ZNF491: variants seen among roughly 807,000 people sequenced by gnomAD.
ZNF491 encodes zinc finger protein 491.
Under a neutral mutation model 34.7 loss-of-function variants are expected in ZNF491, and 22 were observed. The ratio of observed to expected loss-of-function variants is 0.63; its 90% CI spans 0.45 to 0.90. ZNF491 has a LOEUF of 0.90. Among genes scored for constraint, ZNF491 ranks in the 40% least tolerant of loss-of-function variants. ZNF491 has a pLI of 0.00. For synonymous variants in ZNF491, 148 were observed against 174.3 expected (o/e 0.85, Z 1.19); for missense variants, 559 against 531.7 (o/e 1.05, Z -0.51).
In ZNF491 at chr19:11,804,921, A is replaced by G. The variant is rs552432879; in HGVS notation, c.-8+254A>G. Among the ~76,000 whole-genome samples the G allele has an allele frequency of 3.9e-5, 6 of 152,370 alleles. No individual in the cohort carries two copies. The South Asian group carries it at 1.0e-3, about 26-fold the overall frequency. On this transcript the variant is annotated intron_variant, in intron 2 of 2. Coordinates refer to ENST00000323169, the MANE Select transcript of ZNF491 (RefSeq NM_152356.4). ...ACAAACATCCCAGGAGAAATCTAAGATAATTTACACTCACAAGACAAAGAA... is the reference window on the plus strand; with the variant it reads ...ACAAACATCCCAGGAGAAATCTAAGGTAATTTACACTCACAAGACAAAGAA...
Position 11,808,334 on chromosome 19 carries a change from A to G in ZNF491, c.*1067A>G, listed in dbSNP as rs1253317285. ...GAGGTGGAGGTTGCAGTGAGCCAAG[A>G]TCACGCCACTGTACTCCAGCCTGGA... On this transcript the variant is annotated 3_prime_UTR_variant, in exon 3 of 3. Transcript: ENST00000323169. 6.6e-6 allele frequency among the ~76,000 whole-genome samples: 1 copy of G among 151,580 alleles called. No individual in the cohort carries two copies. The highest frequency in any genetic ancestry group is 1.5e-5 in the Non-Finnish European group (1 of 67,960).
rs776498215 is a variant in ZNF491 at position 11,807,298 on chromosome 19, A to G, written c.*31A>G. ...ATGCTATTTTTTAATTTTTATTTTAATAGAGACAGGGTCTCACTATCTTGT... is the reference window on the plus strand; with the variant it reads ...ATGCTATTTTTTAATTTTTATTTTAGTAGAGACAGGGTCTCACTATCTTGT... On this transcript the variant is annotated 3_prime_UTR_variant, in exon 3 of 3. Coordinates refer to ENST00000323169, the MANE Select transcript of ZNF491 (RefSeq NM_152356.4). The G allele has an allele frequency of 6.8e-7, 1 of 1,462,952 alleles. No individual in the cohort carries two copies. The highest frequency in any genetic ancestry group is 9.1e-7 in the Non-Finnish European group (1 of 1,100,622). 90.6% of individuals were successfully genotyped at this position (1,462,952 alleles called of 1,614,324 possible). A position where few individuals can be genotyped will look rare whatever the true frequency, so the allele number is the denominator to read the frequency against.
rs1975590169 is a variant in ZNF491, at chr19:11,804,644, C to A, written c.-31C>A. The A allele has an allele frequency of 7.0e-7, 1 of 1,432,544 alleles. No homozygotes were observed. Among genetic ancestry groups the A allele is most frequent in the Non-Finnish European group, 9.2e-7 (1 of 1,083,790 alleles). 88.7% of individuals were successfully genotyped at this position (1,432,544 alleles called of 1,614,324 possible). A position where few individuals can be genotyped will look rare whatever the true frequency, so the allele number is the denominator to read the frequency against. On this transcript the variant is annotated 5_prime_UTR_variant, in exon 2 of 3. Coordinates refer to ENST00000323169, the MANE Select transcript of ZNF491 (RefSeq NM_152356.4). ...CTCTACAGAGATGTGATGCAGGAAACCTTCACGAACCTCATCTGTATAGGT... is the reference window on the plus strand; with the variant it reads ...CTCTACAGAGATGTGATGCAGGAAAACTTCACGAACCTCATCTGTATAGGT...
At position 11,806,892 on chromosome 19, in the gene ZNF491, G is replaced by A. The variant is rs146315670; in HGVS notation, c.939G>A (p.Ser313=). 25 of 1,606,938 alleles carry A rather than the reference G, an allele frequency of 1.6e-5. No homozygotes were observed. Among genetic ancestry groups the A allele is most frequent in the African/African-American group, 1.1e-4 (8 of 73,662 alleles). Residue 313 remains serine, a synonymous_variant, in exon 3 of 3, where the codon TCG becomes TCA. Transcript: ENST00000323169. The stretch of plus-strand genomic sequence containing the variant: ...GGAAAGCCTTCACTTGTTCCACTTC[G>A]TTTCAATATCATGAAAGGACTCACA... The part of the protein sequence containing the change: ...QCGKAFTCST[S]FQYHERTHTG...
At chr19:11,801,521 G>T (rs1975559271) in intron 1 of ZNF491, among the ~76,000 whole-genome samples, 1 of 152,170 alleles carries the variant, frequency 6.6e-6, no homozygotes, top group Admixed American at 6.5e-5. Context: ...TGGGCATGGT[G>T]GTGCATGCCT....
chr19:11,805,902 C>G (rs541796242), intron 2 of ZNF491, 45 bp from the exon 3 acceptor site: 42 of 1,405,608 alleles, frequency 3.0e-5, no homozygotes, highest in Admixed American at 4.7e-5. Flanking sequence ...AATATTAAAT[C>G]GCTTATAAAC....
chr19:11,800,587 C>G (rs1975548188), intron 1 of ZNF491, among the ~76,000 whole-genome samples: 1 of 142,692 alleles, frequency 7.0e-6, no homozygotes, highest in African/African-American at 2.6e-5. Context: ...ATGGTGCTAT[C>G]TTGGCTCACT....
chr19:11,806,393 T>A lies in ZNF491; in HGVS notation c.440T>A (p.Leu147His). 2 of 1,613,554 alleles carry A rather than the reference T, an allele frequency of 1.2e-6. No individual in the cohort carries two copies. The highest frequency in any genetic ancestry group is 1.7e-6 in the Non-Finnish European group (2 of 1,179,784). The change falls in exon 3 of 3, where the codon CTT becomes CAT. Residue 147 changes from leucine (L) to histidine (H), a missense_variant. Coordinates refer to ENST00000323169, the MANE Select transcript of ZNF491 (RefSeq NM_152356.4). ...GKALDCLSLYLTHERTHTGEK... is the reference protein window; with the variant it reads ...GKALDCLSLYHTHERTHTGEK... ...GCCTTGGATTGTCTCAGTTTATACC[T>A]TACCCATGAACGAACTCACACTGGA...
chr19:11,802,360 A>G (rs1975566945), intron 1 of ZNF491, among the ~76,000 whole-genome samples: 2 of 152,162 alleles, frequency 1.3e-5, no homozygotes, highest in African/African-American at 4.8e-5. Context: ...TGTTTTTTAT[A>G]GTTGAATTAT....
chr19:11,805,469 A>G (rs542208751), intron 2 of ZNF491, among the ~76,000 whole-genome samples: 10 of 151,838 alleles, frequency 6.6e-5, no homozygotes, highest in African/African-American at 2.4e-4. Flanking sequence ...GATGATAGAT[A>G]TAGACAGGCC....
rs1411210461 is a variant in ZNF491 at position 11,798,571 on chromosome 19, C to G, written c.-290C>G. ...AGGCCGCACTCAGAGTCTCTGCACT[C>G]CTTTGTTGCTGGGGTCCGTTGCGTT... On this transcript the variant is annotated 5_prime_UTR_variant, in exon 1 of 3. Coordinates refer to ENST00000323169, the MANE Select transcript of ZNF491 (RefSeq NM_152356.4). The surrounding 1 kb of genome is among the most constrained non-coding windows in gnomAD (Gnocchi z 4.0). 2.0e-5 allele frequency: 3 copies of G among 152,370 alleles called. No individual in the cohort carries two copies. The highest frequency in any genetic ancestry group is 4.4e-5 in the Non-Finnish European group (3 of 68,162). 9.4% of individuals were successfully genotyped at this position (152,370 alleles called of 1,614,324 possible).
Position 11,806,703 on chromosome 19 carries a change from A to T in ZNF491, c.750A>T (p.Lys250Asn). 6.2e-7 allele frequency: 1 copy of T among 1,613,834 alleles called. No homozygotes were observed. Among genetic ancestry groups the T allele is most frequent in the East Asian group, 2.2e-5 (1 of 44,874 alleles). ...EKPYECKLYGKALSRLISFRR... is the reference protein window; with the variant it reads ...EKPYECKLYGNALSRLISFRR... ...CCTATGAATGTAAACTATATGGGAA[A>T]GCATTATCTCGCCTTATAAGCTTTC... Residue 250 changes from lysine (K) to asparagine (N), a missense_variant, in exon 3 of 3, where the codon AAA becomes AAT. Physicochemically the swap from Lys to Asn is moderately conservative, Grantham distance 94. Transcript: ENST00000323169.
rs755881272 is a variant in ZNF491, at chr19:11,806,977, A to G, written c.1024A>G (p.Ile342Val). 35 of 1,611,944 alleles carry G rather than the reference A, an allele frequency of 2.2e-5. No individual in the cohort carries two copies. In the East Asian group the frequency reaches 7.8e-4, roughly 36 times the overall value. The change falls in exon 3 of 3, where the codon ATT (isoleucine) becomes GTT (valine). Residue 342 changes from isoleucine (I) to valine (V), a missense_variant. Coordinates refer to ENST00000323169, the MANE Select transcript of ZNF491 (RefSeq NM_152356.4). ...GAAAGCCTTCAGATCTGCCAAGTAC[A>G]TTCGAATACATGGAAGGACTCACAC... The part of the protein sequence containing the change: ...CGKAFRSAKY[I>V]RIHGRTHTGE...
rs1568234565 is a variant in ZNF491 at position 11,807,156 on chromosome 19, T to C, written c.1203T>C (p.His401=). ...CTTGTTCCATATATATTAGAATACA[T>C]GAAAGAATTCACACTGGAGAGAAAC... ...AFTCSIYIRI[H]ERIHTGEKPY... The change falls in exon 3 of 3, where the codon CAT becomes CAC. Residue 401 remains histidine, a synonymous_variant. Coordinates refer to ENST00000323169, the MANE Select transcript of ZNF491 (RefSeq NM_152356.4). The C allele has an allele frequency of 3.1e-6, 5 of 1,610,390 alleles. No individual in the cohort carries two copies. The highest frequency in any genetic ancestry group is 4.2e-6 in the Non-Finnish European group (5 of 1,178,608).
intron 1 of ZNF491, among the ~76,000 whole-genome samples, chr19:11,804,160 G>T (rs968261850): frequency 2.7e-4 from 37 of 137,422 alleles, no homozygotes; most frequent in Middle Eastern, 4.4e-3. Flanking sequence ...CCAAGATCGC[G>T]CCACTGCACT....
chr19:11,801,815 T>C (rs933074350), intron 1 of ZNF491, among the ~76,000 whole-genome samples: 2 of 152,206 alleles, frequency 1.3e-5, no homozygotes, highest in Non-Finnish European at 2.9e-5. Flanking sequence ...GCAGTTAGCT[T>C]AGTATCATGA....
At chr19:11,803,405 A>C (rs950471114) in intron 1 of ZNF491, among the ~76,000 whole-genome samples, 3 of 152,360 alleles carry the variant, frequency 2.0e-5, no homozygotes, top group Admixed American at 2.0e-4. Context: ...ACCATGGTCC[A>C]ACAAAACTAA....
chr19:11,804,671 G>A lies in ZNF491; in HGVS notation c.-8+4G>A, dbSNP rs1297884906. 7.7e-7 allele frequency: 1 copy of A among 1,298,542 alleles called. No individual in the cohort carries two copies. The highest frequency in any genetic ancestry group is 1.0e-6 in the Non-Finnish European group (1 of 992,432). The allele number at this position is 1,298,542 out of a possible 1,614,324, so 80.4% of individuals were successfully genotyped here. On this transcript the variant is annotated splice_donor_region_variant and intron_variant, in intron 2 of 2. Transcript: ENST00000323169. The stretch of plus-strand genomic sequence containing the variant: ...TTCACGAACCTCATCTGTATAGGTA[G>A]GGGTGACAATATTACCTCCCTCAGT...
At chr19:11,805,847 A>T (rs1459131744) in intron 2 of ZNF491, 100 bp from the exon 3 acceptor site, 5 of 1,070,196 alleles carry the variant, frequency 4.7e-6, no homozygotes, top group Non-Finnish European at 6.6e-6. Flanking sequence ...ACTTTGTACC[A>T]AAAAAACAAA....
Sources: allele counts gnomAD v4.1 joint callset (sites outside exome capture counted in the v4.1 genomes callset), GRCh38; gene constraint gnomAD v4.1.1; non-coding constraint Gnocchi (gnomAD v3.1); transcripts MANE v1.5; gene names NCBI Gene and HGNC (gene_info 2026-07-23, HGNC 2026-07-21).